The following MPDZ variants were observed in gnomAD, a reference collection of about 807,000 sequenced individuals.
MPDZ encodes the protein multiple PDZ domain crumbs cell polarity complex component, also known as multiple PDZ domain protein.
In MPDZ, 234 loss-of-function variants were observed where a neutral mutation model predicts 239.1. The observed-to-expected ratio is 0.98, with a 90% CI of 0.88 to 1.09. MPDZ has a LOEUF of 1.09. Among genes scored for constraint, MPDZ ranks in the 50% least tolerant of loss-of-function variants. MPDZ has a pLI of 0.00. For synonymous variants in MPDZ, 1,048 were observed against 881.3 expected (o/e 1.19, Z -3.35); for missense variants, 3,175 against 2,510.0 (o/e 1.26, Z -5.66).
intron 1 of MPDZ, 193 bp downstream of exon 1, chr9:13,279,207 G>A (rs1411301203): frequency 7.0e-6 from 1 of 143,158 alleles, no homozygotes; most frequent in Non-Finnish European, 1.5e-5. Flanking sequence ...CGCGGGGTGG[G>A]GCAAGCGCAC....
rs1417603308 is a variant in MPDZ at position 13,193,217 on chromosome 9, C to T, written c.1753G>A (p.Gly585Ser). ...AGCTTCCCGCTGTGTCCAACAGGAC[C>T]CTCTGGTAGAACAGATCGGATAAAA... ...HHFIRSVLPEGPVGHSGKLFS... is the reference protein window; with the variant it reads ...HHFIRSVLPESPVGHSGKLFS... Residue 585 changes from glycine to serine, a missense_variant, in exon 14 of 47, where the codon GGT becomes AGT. Transcript: ENST00000319217. The T allele has an allele frequency of 3.1e-6, 5 of 1,608,628 alleles. No homozygotes were observed. The highest frequency in any genetic ancestry group is 1.3e-5 in the African/African-American group (1 of 74,830).
chr9:13,266,439 C>T (rs1971810493), intron 1 of MPDZ, among the ~76,000 whole-genome samples: 1 of 152,222 alleles, frequency 6.6e-6, no homozygotes, highest in African/African-American at 2.4e-5. Context: ...TGAACAATCA[C>T]ATTCTCTTTC....
intron 3 of MPDZ, among the ~76,000 whole-genome samples, chr9:13,240,580 T>TA (rs71331533): frequency 0.59 from 26,226 of 44,112 alleles, 9,515 homozygotes; most frequent in East Asian, 0.81. Flanking sequence ...ATAATAAAAG[T>TA]AAAAAAAAAA....
chr9:13,218,039 C>T lies in MPDZ; in HGVS notation c.1087-745G>A, dbSNP rs1337786406. 4.6e-5 allele frequency among the ~76,000 whole-genome samples: 7 copies of T among 151,906 alleles called. No individual in the cohort carries two copies. In the East Asian group the frequency reaches 1.4e-3, roughly 30 times the overall value. ...ATTAGCATGGTGTCAGCAGATCCTA[C>T]AGAGAACCTTAAGAAGAGCACAAAG... On this transcript the variant is annotated intron_variant, in intron 8 of 46. Coordinates refer to ENST00000319217, the MANE Select transcript of MPDZ (RefSeq NM_001378778.1).
intron 26 of MPDZ, among the ~76,000 whole-genome samples, chr9:13,145,613 A>G (rs1302754035): frequency 1.3e-5 from 2 of 152,074 alleles, no homozygotes; most frequent in African/African-American, 4.8e-5. Flanking sequence ...GAAACAAAAC[A>G]TATCTCATTT....
chr9:13,260,507 A>G (rs1970442566), intron 1 of MPDZ, among the ~76,000 whole-genome samples: 1 of 152,232 alleles, frequency 6.6e-6, no homozygotes, highest in Non-Finnish European at 1.5e-5. Context: ...TGAGTATAGT[A>G]CCTTACGATG....
At chr9:13,260,430 T>C (rs1199746398) in intron 1 of MPDZ, among the ~76,000 whole-genome samples, 1 of 152,174 alleles carries the variant, frequency 6.6e-6, no homozygotes, top group Non-Finnish European at 1.5e-5. Flanking sequence ...TGGATGGTAA[T>C]ACTACAAGGA....
chr9:13,231,218 T>G lies in MPDZ; in HGVS notation c.184-6635A>C, dbSNP rs12002802. 5.6e-3 allele frequency among the ~76,000 whole-genome samples: 848 copies of G among 151,772 alleles called. 7 individuals carry two copies. The highest frequency in any genetic ancestry group is 0.02 in the African/African-American group (817 of 41,396). ...CATGCAATAACCATATGCAAAAAAA[T>G]GGGGAAAAAAATACATGAAATGAAC... On this transcript the variant is annotated intron_variant, in intron 3 of 46. Transcript: ENST00000319217.
At chr9:13,273,641 T>C (rs1414857236) in intron 1 of MPDZ, among the ~76,000 whole-genome samples, 1 of 152,196 alleles carries the variant, frequency 6.6e-6, no homozygotes, top group East Asian at 1.9e-4. Context: ...GGAAATATCA[T>C]GTGAGCCACA....
At chr9:13,205,473 T>C (rs1265624292) in intron 11 of MPDZ, among the ~76,000 whole-genome samples, 1 of 152,174 alleles carries the variant, frequency 6.6e-6, no homozygotes, top group East Asian at 1.9e-4. Context: ...AGCTTATGAA[T>C]GACATTTCTA....
chr9:13,165,328 C>T (rs2133782252), intron 22 of MPDZ: 2 of 1,543,698 alleles, frequency 1.3e-6, no homozygotes, highest in African/African-American at 2.7e-5. Flanking sequence ...CAAGTTGTAA[C>T]ACACAGCCAT....
intron 30 of MPDZ, among the ~76,000 whole-genome samples, 167 bp from the exon 31 acceptor site, chr9:13,136,349 T>TTTTTTTTTTTTTTTTTTTA (rs1946782722): frequency 7.1e-6 from 1 of 140,998 alleles, no homozygotes; most frequent in African/African-American, 2.7e-5. Flanking sequence ...TTTTTTTTTT[T>TTTTTTTTTTTTTTTTTTTA]GAGACAGAGT....
intron 39 of MPDZ, among the ~76,000 whole-genome samples, chr9:13,118,929 G>T (rs1233270669): frequency 6.6e-6 from 1 of 152,118 alleles, no homozygotes; most frequent in Non-Finnish European, 1.5e-5. Flanking sequence ...CCCAGTGAAG[G>T]TACTGCTGAG....
At chr9:13,243,204 T>C (rs986640210) in intron 3 of MPDZ, among the ~76,000 whole-genome samples, 1 of 152,206 alleles carries the variant, frequency 6.6e-6, no homozygotes, top group Non-Finnish European at 1.5e-5. Flanking sequence ...CTCCATCTTA[T>C]TATTCTTTGT....
chr9:13,118,554 G>A (rs1943851723), intron 39 of MPDZ, among the ~76,000 whole-genome samples: 1 of 152,090 alleles, frequency 6.6e-6, no homozygotes, highest in African/African-American at 2.4e-5. Flanking sequence ...CCCTTGACAT[G>A]GGTACTGATG....
At chr9:13,167,418 A>G (rs149656940) in intron 22 of MPDZ, among the ~76,000 whole-genome samples, 16 of 152,234 alleles carry the variant, frequency 1.1e-4, no homozygotes, top group African/African-American at 3.4e-4. Flanking sequence ...CAAATGGTAT[A>G]TACTTTTCTT....
chr9:13,120,946 ATTC>A (rs1211942811), intron 38 of MPDZ, among the ~76,000 whole-genome samples: 1 of 152,236 alleles, frequency 6.6e-6, no homozygotes, highest in Non-Finnish European at 1.5e-5. Context: ...TATCTGGTAG[ATTC>A]TGAGATCAGA....
chr9:13,110,965 G>A (rs1239191630), intron 43 of MPDZ, among the ~76,000 whole-genome samples: 2 of 152,184 alleles, frequency 1.3e-5, no homozygotes, highest in Non-Finnish European at 2.9e-5. Flanking sequence ...GGGAGAGGGA[G>A]GGAGAAGGAG....
intron 1 of MPDZ, among the ~76,000 whole-genome samples, chr9:13,273,300 T>C (rs956218089): frequency 1.3e-5 from 2 of 151,092 alleles, no homozygotes; most frequent in Non-Finnish European, 3.0e-5. Flanking sequence ...CGGAAAGGAG[T>C]TTTTAAATTG....
Sources: gnomAD v4.1 joint callset for allele counts (sites outside exome capture counted in the v4.1 genomes callset) on GRCh38, gnomAD v4.1.1 for gene constraint, MANE v1.5 for transcripts, NCBI Gene and HGNC (gene_info 2026-07-23, HGNC 2026-07-21) for gene names.